SLC14A2: variants seen among roughly 807,000 people sequenced by gnomAD.
The protein encoded by SLC14A2 is urea transporter 2.
SLC14A2 carries 91 observed loss-of-function variants against 104.6 expected under a neutral mutation model. The ratio of observed to expected loss-of-function variants is 0.87; its 90% CI spans 0.73 to 1.04. SLC14A2 has a LOEUF of 1.04. SLC14A2 is among the 50% of genes least tolerant of loss of function. SLC14A2 has a pLI of 0.00. For synonymous variants in SLC14A2, 476 were observed against 466.4 expected, an observed-to-expected ratio of 1.02 and a Z score of -0.27; for missense variants, 1,189 against 1,156.0, an observed-to-expected ratio of 1.03 and a Z score of -0.41.
intron 2 of SLC14A2, among the ~76,000 whole-genome samples, chr18:45,603,198 T>C (rs1447452556): frequency 6.6e-6 from 1 of 152,066 alleles, no homozygotes; most frequent in Admixed American, 6.5e-5. Context: ...TTCACAACAG[T>C]GAGAAATGGA....
intron 2 of SLC14A2, among the ~76,000 whole-genome samples, chr18:45,503,438 C>T (rs1488177158): frequency 6.6e-6 from 1 of 152,322 alleles, no homozygotes; most frequent in South Asian, 2.1e-4. Flanking sequence ...ATCACACCAA[C>T]GTGACTAACT....
chr18:45,459,757 T>A (rs189062254), intron 1 of SLC14A2, among the ~76,000 whole-genome samples: 2 of 152,362 alleles, frequency 1.3e-5, no homozygotes. Flanking sequence ...GCCTTTCTCA[T>A]TTAAGTTTGT....
At chr18:45,663,299 C>T (rs1168186727) in intron 10 of SLC14A2, among the ~76,000 whole-genome samples, 3 of 152,220 alleles carry the variant, frequency 2.0e-5, no homozygotes, top group African/African-American at 7.2e-5. Context: ...TCAGCCCAAG[C>T]TGCATATTGG....
intron 1 of SLC14A2, among the ~76,000 whole-genome samples, chr18:45,324,112 G>C (rs1568151569): frequency 6.6e-6 from 1 of 152,130 alleles, no homozygotes; most frequent in African/African-American, 2.4e-5. Flanking sequence ...TCAAAGATAG[G>C]TATTGAACTT....
At chr18:45,391,467 TA>T (rs2085963398) in intron 1 of SLC14A2, among the ~76,000 whole-genome samples, 1 of 152,180 alleles carries the variant, frequency 6.6e-6, no homozygotes, top group South Asian at 2.1e-4. Context: ...GGTCAAATGG[TA>T]TTTCTAGTTC....
At chr18:45,673,601 G>A in intron 17 of SLC14A2, 82 bp from the exon 18 acceptor site, 1 of 1,487,118 alleles carries the variant, frequency 6.7e-7, no homozygotes, top group East Asian at 2.3e-5. Context: ...TCCGGGCTTT[G>A]AGGACTGTGG....
At position 45,385,148 on chromosome 18, in the gene SLC14A2, C is replaced by T. The variant is rs570087023; in HGVS notation, c.-124-98085C>T. Reference sequence around the variant, plus strand: ...AGTGGGCCAAGAAAACCTGCAACCGCGAAGTGGGGCTGATTTACTGCTCTA... The same window carrying T: ...AGTGGGCCAAGAAAACCTGCAACCGTGAAGTGGGGCTGATTTACTGCTCTA... On this transcript the variant is annotated intron_variant, in intron 1 of 20. Coordinates refer to the SLC14A2 transcript ENST00000586448. Among the ~76,000 whole-genome samples the T allele has an allele frequency of 9.8e-5, 15 of 152,326 alleles. No individual in the cohort carries two copies. In the East Asian group the frequency reaches 1.7e-3, roughly 18 times the overall value.
chr18:45,183,380 G>A, the SLC14A2 span, among the ~76,000 whole-genome samples: 9 of 152,148 alleles, frequency 5.9e-5, no homozygotes, highest in African/African-American at 1.9e-4. Flanking sequence ...ACACTTTGAT[G>A]TGCTGATTTG....
At chr18:45,494,086 T>C (rs2043048460) in intron 2 of SLC14A2, among the ~76,000 whole-genome samples, 2 of 152,238 alleles carry the variant, frequency 1.3e-5, no homozygotes, top group South Asian at 4.1e-4. Flanking sequence ...TTGTACCTTG[T>C]TAGCGTTCTG....
intron 1 of SLC14A2, among the ~76,000 whole-genome samples, chr18:45,450,261 A>G (rs1028798759): frequency 2.0e-5 from 3 of 152,100 alleles, no homozygotes; most frequent in Non-Finnish European, 4.4e-5. Flanking sequence ...TATTTTATTT[A>G]TCTATAAATT....
At chr18:45,496,341 G>T (rs969505623) in intron 2 of SLC14A2, among the ~76,000 whole-genome samples, 10 of 152,170 alleles carry the variant, frequency 6.6e-5, no homozygotes, top group African/African-American at 1.9e-4. Flanking sequence ...TTGTTCCTTG[G>T]TGTGTCTGTG....
At chr18:45,384,662 C>G (rs566744748) in intron 1 of SLC14A2, among the ~76,000 whole-genome samples, 2 of 152,114 alleles carry the variant, frequency 1.3e-5, no homozygotes, top group Non-Finnish European at 2.9e-5. Flanking sequence ...GCCTCTCCCC[C>G]CGACAACCCC....
intron 2 of SLC14A2, among the ~76,000 whole-genome samples, chr18:45,526,629 G>A (rs1400244619): frequency 1.3e-5 from 2 of 152,122 alleles, no homozygotes; most frequent in African/African-American, 2.4e-5. Flanking sequence ...GGTCAGTGAG[G>A]GATCATAGGG....
intron 1 of SLC14A2, among the ~76,000 whole-genome samples, chr18:45,466,376 A>G (rs1014280512): frequency 1.3e-5 from 2 of 151,854 alleles, no homozygotes; most frequent in Non-Finnish European, 2.9e-5. Flanking sequence ...AAGGGAGGGC[A>G]TGTGCATCAG....
chr18:45,344,108 T>C (rs762627766), intron 1 of SLC14A2, among the ~76,000 whole-genome samples: 23 of 152,216 alleles, frequency 1.5e-4, no homozygotes, highest in Non-Finnish European at 3.1e-4. Flanking sequence ...TTTGTCACAA[T>C]CATTGTCATT....
chr18:45,434,600 T>A (rs906612237), intron 1 of SLC14A2, among the ~76,000 whole-genome samples: 3 of 152,154 alleles, frequency 2.0e-5, no homozygotes, highest in African/African-American at 7.2e-5. Flanking sequence ...GCCACAGCAG[T>A]CCTTGGAATC....
chr18:45,394,040 C>T (rs560735150), intron 1 of SLC14A2, among the ~76,000 whole-genome samples: 48 of 152,324 alleles, frequency 3.2e-4, no homozygotes, highest in African/African-American at 1.1e-3. Context: ...CAGGTTTGCC[C>T]TCTTAGGGCA....
chr18:45,318,802 A>T (rs1045855115), intron 1 of SLC14A2, among the ~76,000 whole-genome samples: 4 of 151,534 alleles, frequency 2.6e-5, no homozygotes, highest in African/African-American at 4.8e-5. Flanking sequence ...AAAAAAAAAA[A>T]TTCGCAGGTC....
rs535016758 is a variant in SLC14A2, at chr18:45,668,203, G to A, written c.1908-146G>A. ...TAGAGAAATATGAAGGATTCATAGGGTTGTCTTCCTTCCCCACTCCCAGAA... is the reference window on the plus strand; with the variant it reads ...TAGAGAAATATGAAGGATTCATAGGATTGTCTTCCTTCCCCACTCCCAGAA... On this transcript the variant is annotated intron_variant, in intron 14 of 19. Transcript: ENST00000255226. 9.3e-6 allele frequency: 11 copies of A among 1,181,100 alleles called. No individual in the cohort carries two copies. In the South Asian group the frequency reaches 1.6e-4, roughly 18 times the overall value. 73.2% of individuals were successfully genotyped at this position (1,181,100 alleles called of 1,614,324 possible). A position where few individuals can be genotyped will look rare whatever the true frequency, so the allele number is the denominator to read the frequency against.
Sources: allele counts gnomAD v4.1 joint callset (sites outside exome capture counted in the v4.1 genomes callset), GRCh38; gene constraint gnomAD v4.1.1; transcripts MANE v1.5; gene names NCBI Gene and HGNC (gene_info 2026-07-23, HGNC 2026-07-21).